The following DNAH1 variants were observed in gnomAD, a reference collection of about 807,000 sequenced individuals.
DNAH1 encodes dynein axonemal heavy chain 1, also known as axonemal beta dynein heavy chain 1.
Under a neutral mutation model 484.3 loss-of-function variants are expected in DNAH1, and 327 were observed. The observed-to-expected ratio is 0.68, with a 90% CI of 0.62 to 0.74. DNAH1 has a LOEUF of 0.74. Ranked by LOEUF, DNAH1 falls within the 30% of genes least tolerant of loss-of-function variation. DNAH1 has a pLI of 0.00. For missense variants in DNAH1, 5,052 were observed against 5,546.8 expected, an observed-to-expected ratio of 0.91 and a Z score of 2.83; for synonymous variants, 2,192 against 2,191.9, an observed-to-expected ratio of 1.00 and a Z score of 0.00.
chr3:52,381,602 A>G lies in DNAH1; in HGVS notation c.7609-38A>G. The stretch of plus-strand genomic sequence containing the variant: ...GGAATCGGGGAGACCCTACAGTAAG[A>G]GAGACCCCGCCTTCCCCATCCTCGC... On this transcript the variant is annotated intron_variant, in intron 48 of 77. Coordinates refer to ENST00000420323, the MANE Select transcript of DNAH1 (RefSeq NM_015512.5). The surrounding 1 kb of genome is among the most constrained non-coding windows in gnomAD (Gnocchi z 4.1). 1 of 1,549,572 alleles carries G rather than the reference A, an allele frequency of 6.5e-7. No individual in the cohort carries two copies.
intron 8 of DNAH1, among the ~76,000 whole-genome samples, chr3:52,336,075 C>T (rs992163811): frequency 2.6e-5 from 4 of 152,098 alleles, no homozygotes; most frequent in Non-Finnish European, 5.9e-5. Context: ...TGTCTGTTTA[C>T]TCTGTTGATA....
intron 10 of DNAH1, among the ~76,000 whole-genome samples, chr3:52,346,004 G>A (rs925993236): frequency 1.3e-5 from 2 of 152,164 alleles, no homozygotes; most frequent in Non-Finnish European, 2.9e-5. Context: ...TCTTAGAAGG[G>A]GGAGCAGGAA....
rs202174386 is a variant in DNAH1, at chr3:52,322,711, C to G, written c.269C>G (p.Pro90Arg). ...SPLTGTDKKY[P>R]LMKQRGFYSD... is the part of the protein sequence containing the mutation. ...CTGACAGGCACTGATAAGAAGTACC[C>G]GCTGATGAAGCAGCGTGGGTTCTAC... The change falls in exon 2 of 78, where the codon CCG (proline) becomes CGG (arginine). Residue 90 changes from proline (P) to arginine (R), a missense_variant. By Grantham distance (103) the Pro-to-Arg change is moderately radical (BLOSUM62 -2). Transcript: ENST00000420323. 1.9e-6 allele frequency: 3 copies of G among 1,613,390 alleles called. No homozygotes were observed. Among genetic ancestry groups the G allele is most frequent in the Non-Finnish European group, 2.5e-6 (3 of 1,179,746 alleles).
chr3:52,374,164 A>C (rs1703481112), intron 44 of DNAH1: 8 of 1,272,514 alleles, frequency 6.3e-6, no homozygotes, highest in South Asian at 2.4e-5. Context: ...ACATCAGAAA[A>C]CAGATAAATA....
chr3:52,392,799 T>TGGGGGGGGGGGGGGGGGGGGGGG, intron 64 of DNAH1, 31 bp from the exon 65 acceptor site: 2 of 1,274,354 alleles, frequency 1.6e-6, no homozygotes, highest in Non-Finnish European at 2.2e-6. Context: ...TTCTGCTCTT[T>TGGGGGGGGGGGGGGGGGGGGGGG]GACCCCTCCC....
rs369957070 is a variant in DNAH1, at chr3:52,381,691, G to A, written c.7660G>A (p.Ala2554Thr). Residue 2554 changes from alanine to threonine, a missense_variant, in exon 49 of 78, where the codon GCC becomes ACC. Ala to Thr is a moderately conservative substitution (Grantham distance 58). Around this residue, in one of 4 missense-constraint regions of DNAH1, gnomAD observed 2,929 missense variants for 3,409.4 expected, o/e 0.86. Coordinates refer to ENST00000420323, the MANE Select transcript of DNAH1 (RefSeq NM_015512.5). The surrounding 1 kb of genome is among the most constrained non-coding windows in gnomAD (Gnocchi z 4.1). Reference protein sequence around the residue: ...YIEDYNQINTAKLKLVLFMDA... With the variant: ...YIEDYNQINTTKLKLVLFMDA... ...AGAGGACTACAACCAGATCAACACG[G>A]CCAAGCTGAAGCTGGTCCTCTTCAT... The A allele has an allele frequency of 7.6e-5, 123 of 1,608,222 alleles. No individual in the cohort carries two copies. Among genetic ancestry groups the A allele is most frequent in the Non-Finnish European group, 9.9e-5 (117 of 1,177,762 alleles).
intron 44 of DNAH1, chr3:52,374,347 A>G (rs1703489211): frequency 6.7e-6 from 10 of 1,499,514 alleles, no homozygotes; most frequent in South Asian, 4.5e-5. Context: ...TTGAGTGTCT[A>G]CCACCCCCAG....
At chr3:52,339,172 C>T (rs562012634) in intron 8 of DNAH1, among the ~76,000 whole-genome samples, 1 of 152,120 alleles carries the variant, frequency 6.6e-6, no homozygotes, top group South Asian at 2.1e-4. Context: ...TGCTGCTTTG[C>T]GTATCTTTTA....
Position 52,383,581 on chromosome 3 carries a change from G to A in DNAH1, c.8137G>A (p.Val2713Met). 1 of 1,590,436 alleles carries A rather than the reference G, an allele frequency of 6.3e-7. No homozygotes were observed. The highest frequency in any genetic ancestry group is 1.1e-5 in the South Asian group (1 of 88,244). ...TGRVRSNIHM[V>M]LCMSPIGEVF... ...GCGTGTGCGCAGCAACATCCACATG[G>A]TGCTGTGCATGAGGTACAGGCAGCT... Residue 2713 changes from valine to methionine, a missense_variant, in exon 51 of 78, where the codon GTG (valine) becomes ATG (methionine). By Grantham distance (21) the Val-to-Met change is conservative. Coordinates refer to ENST00000420323, the MANE Select transcript of DNAH1 (RefSeq NM_015512.5).
At chr3:52,339,898 A>G (rs1384261540) in intron 8 of DNAH1, among the ~76,000 whole-genome samples, 2 of 151,944 alleles carry the variant, frequency 1.3e-5, no homozygotes, top group African/African-American at 2.4e-5. Flanking sequence ...GCAGAACTCA[A>G]CATTTCACTT....
rs1329151142 is a variant in DNAH1 at position 52,375,367 on chromosome 3, G to A, written c.7113G>A (p.Glu2371=). The change falls in exon 45 of 78, where the codon GAG becomes GAA. Residue 2371 remains glutamate (E), a synonymous_variant. Coordinates refer to ENST00000420323, the MANE Select transcript of DNAH1 (RefSeq NM_015512.5). ...ACCTGTCTTTCGCTGAGATGGACGA[G>A]GTCAGCAAGAAACGCATCTTCTCCA... ...FNYLSFAEMD[E]VSKKRIFSTI... is the part of the protein sequence containing the mutation. 2.5e-6 allele frequency: 4 copies of A among 1,613,622 alleles called. No individual in the cohort carries two copies. In the South Asian group the frequency reaches 4.4e-5, roughly 18 times the overall value.
At chr3:52,323,778 CATA>C (rs1701236089) in intron 2 of DNAH1, 27 bp from the exon 3 acceptor site, 1 of 1,566,638 alleles carries the variant, frequency 6.4e-7, no homozygotes, top group African/African-American at 1.4e-5. Flanking sequence ...GAGGTTGACA[CATA>C]CTCAGGGCTC....
At chr3:52,326,397 G>C (rs1342697456) in intron 4 of DNAH1, 83 bp downstream of exon 4, 9 of 1,468,638 alleles carry the variant, frequency 6.1e-6, no homozygotes, top group Non-Finnish European at 8.3e-6. Context: ...AGATCACCAG[G>C]TGATAATCCT....
Position 52,332,277 on chromosome 3 carries a change from T to C in DNAH1, c.1169T>C (p.Leu390Pro). The part of the protein sequence containing the change: ...ALRKNTEALL[L>P]YNLYVDCMPS... ...CGCAAGAACACGGAAGCACTGCTGC[T>C]CTACAACTTGTATGTGGACTGCATG... The change falls in exon 8 of 78, where the codon CTC becomes CCC. Residue 390 changes from leucine (L) to proline (P), a missense_variant. Leu to Pro is a moderately conservative substitution (Grantham distance 98). Coordinates refer to ENST00000420323, the MANE Select transcript of DNAH1 (RefSeq NM_015512.5). 1.2e-6 allele frequency: 2 copies of C among 1,614,060 alleles called. No individual in the cohort carries two copies. Among genetic ancestry groups the C allele is most frequent in the Non-Finnish European group, 1.7e-6 (2 of 1,179,906 alleles).
chr3:52,374,741 G>C (rs572440833), intron 44 of DNAH1: 20 of 1,230,174 alleles, frequency 1.6e-5, no homozygotes, highest in Middle Eastern at 2.3e-4. Context: ...ACAACGCCCT[G>C]AATCTGTTCA....
rs560957695 is a variant in DNAH1, at chr3:52,381,928, C to T, written c.7805+92C>T. 4.0e-5 allele frequency: 54 copies of T among 1,366,258 alleles called. No homozygotes were observed. The highest frequency in any genetic ancestry group is 4.3e-5 in the African/African-American group (3 of 69,060). The allele number at this position is 1,366,258 out of a possible 1,614,324, so 84.6% of individuals were successfully genotyped here. A position where few individuals can be genotyped will look rare whatever the true frequency, so the allele number is the denominator to read the frequency against. ...TGCTTTTGCACAGTGGTAGAGGCCT[C>T]GGGCAACCCTGAAGTAGGCCCGTGC... On this transcript the variant is annotated intron_variant, in intron 49 of 77. Coordinates refer to ENST00000420323, the MANE Select transcript of DNAH1 (RefSeq NM_015512.5). This position sits in a 1 kb window ranked among gnomAD's most constrained non-coding sequence, Gnocchi z 4.1.
In DNAH1 at chr3:52,364,913, C is replaced by G; in HGVS notation, c.5412C>G (p.Ile1804Met). ...LQEDLKLFSG[I>M]VSDLFPTIKE... ...AGGACCTCAAGCTCTTCTCTGGCAT[C>G]GTGTCCGACCTGTTTCCCACCATCA... The change falls in exon 34 of 78, where the codon ATC becomes ATG. Residue 1804 changes from isoleucine to methionine, a missense_variant. By Grantham distance (10) the Ile-to-Met change is conservative. Coordinates refer to ENST00000420323, the MANE Select transcript of DNAH1 (RefSeq NM_015512.5). This position sits in a 1 kb window ranked among gnomAD's most constrained non-coding sequence, Gnocchi z 4.2. 6.2e-7 allele frequency: 1 copy of G among 1,614,016 alleles called. No individual in the cohort carries two copies. Among genetic ancestry groups the G allele is most frequent in the Non-Finnish European group, 8.5e-7 (1 of 1,179,880 alleles).
In DNAH1 at chr3:52,345,682, G is replaced by T. The variant is rs568365882; in HGVS notation, c.1632G>T (p.Gln544His). 1.9e-6 allele frequency: 3 copies of T among 1,613,092 alleles called. No homozygotes were observed. In the African/African-American group the frequency reaches 4.0e-5, roughly 22 times the overall value. Residue 544 changes from glutamine (Q) to histidine (H), a missense_variant, in exon 10 of 78, where the codon CAG (glutamine) becomes CAT (histidine). By Grantham distance (24) the Gln-to-His change is conservative. Coordinates refer to ENST00000420323, the MANE Select transcript of DNAH1 (RefSeq NM_015512.5). ...SKYSHLEEFE[Q>H]IQSQTFSQVQ... ...ACAGCCACCTGGAGGAATTTGAGCA[G>T]ATCCAGTCACAGACCTTCTCCCAGG...
At position 52,386,666 on chromosome 3, in the gene DNAH1, G is replaced by T; in HGVS notation, c.8816G>T (p.Arg2939Leu). 6.3e-7 allele frequency: 1 copy of T among 1,577,526 alleles called. No homozygotes were observed. The highest frequency in any genetic ancestry group is 8.6e-7 in the Non-Finnish European group (1 of 1,162,134). The change falls in exon 56 of 78, where the codon CGT (arginine) becomes CTT (leucine). Residue 2939 changes from arginine (R) to leucine (L), a missense_variant. Physicochemically the swap from Arg to Leu is moderately radical, Grantham distance 102 (BLOSUM62 -2). Around this residue, in one of 4 missense-constraint regions of DNAH1, gnomAD observed 2,929 missense variants for 3,409.4 expected, o/e 0.86. Coordinates refer to ENST00000420323, the MANE Select transcript of DNAH1 (RefSeq NM_015512.5). ...NLNKNDVTEVRAMQRPPPGVK... is the reference protein window; with the variant it reads ...NLNKNDVTEVLAMQRPPPGVK... ...ACTTGGTGGCTGGGCCTGCAGGTAC[G>T]TGCCATGCAGCGGCCACCCCCGGGT...
Sources: gnomAD v4.1 joint callset for allele counts (sites outside exome capture counted in the v4.1 genomes callset) on GRCh38, gnomAD v4.1.1 for gene constraint, gnomAD v4.1.1 regional missense constraint, Gnocchi (gnomAD v3.1) non-coding constraint, MANE v1.5 for transcripts, NCBI Gene and HGNC (gene_info 2026-07-23, HGNC 2026-07-21) for gene names.